Variants in CDH12 observed in about 807,000 individuals in gnomAD.
CDH12 encodes the protein cadherin-12.
CDH12 carries 41 observed loss-of-function variants against 74.1 expected under a neutral mutation model. That is an observed-to-expected ratio of 0.55 (90% CI 0.43 to 0.72). CDH12 has a LOEUF of 0.72. Ranked by LOEUF, CDH12 falls within the 30% of genes least tolerant of loss-of-function variation. CDH12 has a pLI of 0.00. For synonymous variants in CDH12, 399 were observed against 355.0 expected (o/e 1.12, Z -1.39); for missense variants, 945 against 977.2 (o/e 0.97, Z 0.44).
chr5:22,275,527 T>C (rs1736594785), intron 3 of CDH12, among the ~76,000 whole-genome samples: 1 of 152,106 alleles, frequency 6.6e-6, no homozygotes, highest in Non-Finnish European at 1.5e-5. Context: ...TATTTAAAAT[T>C]AGTTTTGAGT....
intron 3 of CDH12, among the ~76,000 whole-genome samples, chr5:22,360,885 T>C (rs983370090): frequency 1.3e-5 from 2 of 152,158 alleles, no homozygotes; most frequent in African/African-American, 2.4e-5. Context: ...AAACAGCCCT[T>C]CATGCTAAAA....
intron 5 of CDH12, among the ~76,000 whole-genome samples, chr5:21,995,199 G>T (rs1271324442): frequency 1.3e-5 from 2 of 151,696 alleles, no homozygotes; most frequent in African/African-American, 4.8e-5. Flanking sequence ...TGAAGTCAGC[G>T]AGACCAAGAA....
At chr5:22,357,107 T>C (rs1403981520) in intron 3 of CDH12, among the ~76,000 whole-genome samples, 1 of 152,094 alleles carries the variant, frequency 6.6e-6, no homozygotes, top group African/African-American at 2.4e-5. Context: ...TATTTGTATT[T>C]TTCTGCCACT....
chr5:21,920,874 C>T (rs1199003646), intron 6 of CDH12, among the ~76,000 whole-genome samples: 2 of 151,962 alleles, frequency 1.3e-5, no homozygotes, highest in African/African-American at 2.4e-5. Context: ...CTGAGTGAAA[C>T]AGGAATAGTA....
intron 2 of CDH12, among the ~76,000 whole-genome samples, chr5:22,447,787 C>A (rs1435209919): frequency 6.6e-6 from 1 of 151,794 alleles, no homozygotes; most frequent in Non-Finnish European, 1.5e-5. Flanking sequence ...ACAACCACAA[C>A]ATATCTGGAA....
chr5:22,189,866 C>T (rs1362799046), intron 4 of CDH12, among the ~76,000 whole-genome samples: 3 of 152,176 alleles, frequency 2.0e-5, no homozygotes, highest in African/African-American at 7.2e-5. Flanking sequence ...CGCCTATCCC[C>T]AGCCCCGTGG....
At chr5:22,375,644 A>T (rs1741487858) in intron 3 of CDH12, among the ~76,000 whole-genome samples, 1 of 152,154 alleles carries the variant, frequency 6.6e-6, no homozygotes, top group East Asian at 1.9e-4. Context: ...GCATAAATAG[A>T]CATTTCTTAA....
At chr5:21,814,416 CTGAA>C (rs1412373396) in intron 9 of CDH12, among the ~76,000 whole-genome samples, 4 of 151,704 alleles carry the variant, frequency 2.6e-5, no homozygotes. Flanking sequence ...ACTTACATAA[CTGAA>C]TGATTACTTT....
chr5:21,780,891 CAT>C (rs1745870282), intron 11 of CDH12, among the ~76,000 whole-genome samples: 1 of 152,040 alleles, frequency 6.6e-6, no homozygotes, highest in African/African-American at 2.4e-5. Context: ...ATGAGGAAAA[CAT>C]ATGTAACTAT....
At position 21,755,664 on chromosome 5, in the gene CDH12, T is replaced by C. The variant is rs1249530629; in HGVS notation, c.1812A>G (p.Glu604=). 6.2e-7 allele frequency: 1 copy of C among 1,614,098 alleles called. No homozygotes were observed. The highest frequency in any genetic ancestry group is 1.1e-5 in the South Asian group (1 of 91,084). The part of the protein sequence containing the change: ...SDGTILSCNV[E]AIFLPVGLST... The stretch of plus-strand genomic sequence containing the variant: ...TAAGTCCTACAGGTAGAAAAATTGC[T>C]TCCACATTACAAGACAGGATGGTGC... The change falls in exon 14 of 15, where the codon GAA becomes GAG. Residue 604 remains glutamate, a synonymous_variant. Coordinates refer to ENST00000382254, the MANE Select transcript of CDH12 (RefSeq NM_004061.5).
chr5:21,969,327 G>A (rs1484239354), intron 6 of CDH12, among the ~76,000 whole-genome samples: 1 of 152,110 alleles, frequency 6.6e-6, no homozygotes, highest in Non-Finnish European at 1.5e-5. Flanking sequence ...CCAGAGTATA[G>A]ACAGTGGTAG....
At chr5:22,697,444 C>T (rs985842920) in intron 1 of CDH12, among the ~76,000 whole-genome samples, 1 of 151,786 alleles carries the variant, frequency 6.6e-6, no homozygotes, top group African/African-American at 2.4e-5. Flanking sequence ...TGGTGGCGGG[C>T]CCCTGTGGTC....
intron 1 of CDH12, among the ~76,000 whole-genome samples, chr5:22,803,978 CA>C (rs1002711235): frequency 1.3e-3 from 179 of 140,272 alleles, no homozygotes; most frequent in African/African-American, 3.4e-3. Context: ...TATGTTTTTA[CA>C]AAAAAAAAAT....
rs1240678081 is a variant in CDH12 at position 22,122,003 on chromosome 5, G to A, written c.-186-43141C>T. ...CACCACAGATCCTTCACCCATGCCTGAATCTGATCCCACATGGCAGCAATT... is the reference window on the plus strand; with the variant it reads ...CACCACAGATCCTTCACCCATGCCTAAATCTGATCCCACATGGCAGCAATT... On this transcript the variant is annotated intron_variant, in intron 4 of 14. Transcript: ENST00000382254. 2.0e-5 allele frequency among the ~76,000 whole-genome samples: 3 copies of A among 151,942 alleles called. No homozygotes were observed. The East Asian group carries it at 5.8e-4, about 29-fold the overall frequency.
chr5:21,766,886 G>T lies in CDH12; in HGVS notation c.1394-1787C>A, dbSNP rs568463252. Among the ~76,000 whole-genome samples, 13 of 151,810 alleles carry T rather than the reference G, an allele frequency of 8.6e-5. No homozygotes were observed. The East Asian group carries it at 2.3e-3, about 27-fold the overall frequency. The stretch of plus-strand genomic sequence containing the variant: ...CATTATTTTTATCTCCTTTGTGTAG[G>T]TGAAACTCTGAAGAGACAGGGATGT... On this transcript the variant is annotated intron_variant, in intron 11 of 14. Transcript: ENST00000382254.
chr5:22,463,607 C>A (rs2551488), intron 2 of CDH12, among the ~76,000 whole-genome samples: 2 of 151,520 alleles, frequency 1.3e-5, no homozygotes, highest in Non-Finnish European at 2.9e-5. Flanking sequence ...AAGTTGGGGT[C>A]GGAAATGTAG....
intron 1 of CDH12, among the ~76,000 whole-genome samples, chr5:22,795,369 C>T (rs188658789): frequency 2.6e-5 from 4 of 151,900 alleles, no homozygotes; most frequent in African/African-American, 9.7e-5. Context: ...AATGAAAGAA[C>T]CTTCTTCAGC....
At position 22,111,653 on chromosome 5, in the gene CDH12, A is replaced by C. The variant is rs1458582408; in HGVS notation, c.-186-32791T>G. On this transcript the variant is annotated intron_variant, in intron 4 of 14. Transcript: ENST00000382254. ...TGCTTCATATTTTCCAACACTTTGC[A>C]TGGTAATTGTGCTACCCCAAAAGTC... Among the ~76,000 whole-genome samples the C allele has an allele frequency of 2.0e-5, 3 of 152,146 alleles. No homozygotes were observed. The East Asian group carries it at 5.8e-4, about 29-fold the overall frequency.
intron 1 of CDH12, among the ~76,000 whole-genome samples, chr5:22,625,274 G>T (rs978277954): frequency 6.6e-6 from 1 of 152,010 alleles, no homozygotes; most frequent in Non-Finnish European, 1.5e-5. Context: ...CCTGCACATT[G>T]TGCACATGTA....
Sources: gnomAD v4.1 joint callset for allele counts (sites outside exome capture counted in the v4.1 genomes callset) on GRCh38, gnomAD v4.1.1 for gene constraint, MANE v1.5 for transcripts, NCBI Gene and HGNC (gene_info 2026-07-23, HGNC 2026-07-21) for gene names.